Variants in FKBP5 observed in about 807,000 individuals in gnomAD.
The protein encoded by FKBP5 is peptidyl-prolyl cis-trans isomerase FKBP5.
FKBP5 carries 23 observed loss-of-function variants against 50.5 expected under a neutral mutation model. The ratio of observed to expected loss-of-function variants is 0.46; its 90% confidence interval spans 0.33 to 0.65. FKBP5 has a LOEUF of 0.65. FKBP5 is among the 30% of genes least tolerant of loss of function. The pLI is 0.02. For synonymous variants in FKBP5, 176 were observed against 190.6 expected (o/e 0.92, Z 0.63); for missense variants, 411 against 553.1 (o/e 0.74, Z 2.58).
chr6:35,642,773 C>T lies in FKBP5; in HGVS notation c.52G>A (p.Val18Ile). 2 of 1,614,074 alleles carry T rather than the reference C, an allele frequency of 1.2e-6. No homozygotes were observed. The highest frequency in any genetic ancestry group is 1.3e-5 in the African/African-American group (1 of 75,034). Residue 18 changes from valine (V) to isoleucine (I), a missense_variant, in exon 2 of 11, where the codon GTT (valine) becomes ATT (isoleucine). Physicochemically the swap from Val to Ile is conservative, Grantham distance 29 (BLOSUM62 3). Around this residue, in one of 3 missense-constraint regions of FKBP5, gnomAD observed 56 missense variants for 58.2 expected, o/e 0.96. Coordinates refer to ENST00000357266, the MANE Select transcript of FKBP5 (RefSeq NM_004117.4). Reference protein sequence around the residue: ...KNNEESPTATVAEQGEDITSK... With the variant: ...KNNEESPTATIAEQGEDITSK... ...GTAATATCCTCTCCCTGCTCAGCAACAGTGGCTGTGGGGCTTTCTTCATTG... is the reference window on the plus strand; with the variant it reads ...GTAATATCCTCTCCCTGCTCAGCAATAGTGGCTGTGGGGCTTTCTTCATTG...
At chr6:35,696,395 C>A (rs1245675395) in intron 2 of FKBP5, among the ~76,000 whole-genome samples, 2 of 151,546 alleles carry the variant, frequency 1.3e-5, no homozygotes, top group Admixed American at 6.6e-5. Flanking sequence ...ACCTGTAGTC[C>A]CAGCTACTCA....
intron 1 of FKBP5, among the ~76,000 whole-genome samples, chr6:35,677,315 C>T (rs1012918438): frequency 1.3e-5 from 2 of 152,088 alleles, no homozygotes; most frequent in African/African-American, 2.4e-5. Flanking sequence ...CCTTGTGATC[C>T]GCCCGCCTCG....
At position 35,580,089 on chromosome 6, in the gene FKBP5, T is replaced by A. The variant is rs1284418858; in HGVS notation, c.973A>T (p.Met325Leu). The A allele has an allele frequency of 1.2e-6, 2 of 1,614,052 alleles. No individual in the cohort carries two copies. Among genetic ancestry groups the A allele is most frequent in the East Asian group, 4.5e-5 (2 of 44,894 alleles). The change falls in exon 9 of 11, where the codon ATG (methionine) becomes TTG (leucine). Residue 325 changes from methionine to leucine, a missense_variant. Transcript: ENST00000357266. ...TATTCTCTAAGCTTCAGGTAGCACA[T>A]GGCCAGGTTCAGAAAGGCAGCAAGG... ...FLLAAFLNLA[M>L]CYLKLREYTK...
intron 5 of FKBP5, chr6:35,607,829 T>C (rs992083771): frequency 4.5e-6 from 1 of 221,260 alleles, no homozygotes; most frequent in Non-Finnish European, 1.0e-5. Flanking sequence ...CAAGGACAAA[T>C]GGGCCCTCAA....
intron 9 of FKBP5, among the ~76,000 whole-genome samples, chr6:35,579,385 A>G (rs113192422): frequency 5.3e-5 from 8 of 152,280 alleles, no homozygotes; most frequent in African/African-American, 9.6e-5. Flanking sequence ...TACCCACAGT[A>G]TAATATATAC....
At chr6:35,637,227 A>G (rs1245126733) in intron 2 of FKBP5, 69 bp from the exon 3 acceptor site, 2 of 1,418,618 alleles carry the variant, frequency 1.4e-6, no homozygotes, top group African/African-American at 2.9e-5. Flanking sequence ...TAAAAAGGTC[A>G]CACAGTCCAT....
intron 5 of FKBP5, among the ~76,000 whole-genome samples, chr6:35,597,858 C>T (rs1763024136): frequency 6.6e-6 from 1 of 152,160 alleles, no homozygotes; most frequent in Non-Finnish European, 1.5e-5. Flanking sequence ...CAATGATATA[C>T]AAAGATTAAA....
At chr6:35,674,704 G>A (rs1038973853) in intron 1 of FKBP5, among the ~76,000 whole-genome samples, 12 of 152,298 alleles carry the variant, frequency 7.9e-5, no homozygotes, top group Admixed American at 4.6e-4. Context: ...GAGAGATCAC[G>A]TCACTTGCTT....
At chr6:35,607,770 G>A (rs1326154907) in intron 5 of FKBP5, 1 of 219,406 alleles carries the variant, frequency 4.6e-6, no homozygotes, top group South Asian at 9.5e-5. Flanking sequence ...TGAGAGCTGT[G>A]TGGCTTCACC....
At chr6:35,595,113 T>C (rs989550057) in intron 6 of FKBP5, among the ~76,000 whole-genome samples, 1 of 152,208 alleles carries the variant, frequency 6.6e-6, no homozygotes, top group East Asian at 1.9e-4. Context: ...GAGGGGAAAC[T>C]GAAGCTTAGG....
Position 35,574,642 on chromosome 6 carries a change from G to A in FKBP5, c.*1193C>T, listed in dbSNP as rs1033342131. On this transcript the variant is annotated 3_prime_UTR_variant, in exon 11 of 11. Transcript: ENST00000357266. ...CAGGGCAGGAAAAGCGAGCAACTGC[G>A]TGTCAAACCTGCAGGTGAAACCCCT... The A allele has an allele frequency of 2.6e-5, 4 of 152,606 alleles. No homozygotes were observed. The highest frequency in any genetic ancestry group is 4.8e-5 in the African/African-American group (2 of 41,442). The allele number at this position is 152,606 out of a possible 1,614,324, so 9.5% of individuals were successfully genotyped here.
At chr6:35,719,880 G>A (rs1766579861) in intron 2 of FKBP5, among the ~76,000 whole-genome samples, 1 of 152,194 alleles carries the variant, frequency 6.6e-6, no homozygotes, top group African/African-American at 2.4e-5. Context: ...TCCGTACCCG[G>A]CCTCCTCCAG....
intron 1 of FKBP5, among the ~76,000 whole-genome samples, chr6:35,665,744 G>C (rs1765196993): frequency 6.6e-6 from 1 of 152,140 alleles, no homozygotes; most frequent in East Asian, 1.9e-4. Flanking sequence ...TCAGGCAATG[G>C]AACTATGGAC....
chr6:35,666,319 C>G, intron 1 of FKBP5, among the ~76,000 whole-genome samples: 1 of 139,578 alleles, frequency 7.2e-6, no homozygotes, highest in East Asian at 2.2e-4. Flanking sequence ...CCAGCAATAT[C>G]ACTTCCAGGA....
intron 3 of FKBP5, among the ~76,000 whole-genome samples, chr6:35,622,558 C>A (rs1763878504): frequency 6.6e-6 from 1 of 151,828 alleles, no homozygotes; most frequent in Non-Finnish European, 1.5e-5. Flanking sequence ...ATTAAAACAC[C>A]CATGAAAGAG....
chr6:35,708,669 T>G (rs959137477), intron 2 of FKBP5, among the ~76,000 whole-genome samples: 9 of 152,188 alleles, frequency 5.9e-5, no homozygotes, highest in Non-Finnish European at 2.9e-5. Flanking sequence ...CTCTGATTTT[T>G]GAGCTGGGTA....
intron 5 of FKBP5, among the ~76,000 whole-genome samples, chr6:35,603,627 A>C (rs1171912398): frequency 2.0e-4 from 21 of 103,242 alleles, no homozygotes; most frequent in Non-Finnish European, 7.6e-5. Flanking sequence ...ATAAATGGCC[A>C]ATTGGCTGGA....
chr6:35,690,465 TAA>T (rs780318439), upstream of FKBP5, among the ~76,000 whole-genome samples: 6 of 130,398 alleles, frequency 4.6e-5, no homozygotes, highest in Non-Finnish European at 3.4e-5. Context: ...GACTCCATTC[TAA>T]AAAAAAAAAA....
intron 3 of FKBP5, among the ~76,000 whole-genome samples, chr6:35,621,947 C>G (rs1276363642): frequency 6.6e-6 from 1 of 152,162 alleles, no homozygotes; most frequent in Non-Finnish European, 1.5e-5. Flanking sequence ...CCACTGCACT[C>G]CAGCCTGGGC....
Sources: allele counts gnomAD v4.1 joint callset (sites outside exome capture counted in the v4.1 genomes callset), GRCh38; gene constraint gnomAD v4.1.1; regional missense constraint gnomAD v4.1.1; transcripts MANE v1.5; gene names NCBI Gene and HGNC (gene_info 2026-07-23, HGNC 2026-07-21).